LAMA2: variants seen among roughly 807,000 people sequenced by gnomAD.
LAMA2 encodes the protein laminin subunit alpha 2.
A neutral mutation model predicts 364.8 loss-of-function variants in LAMA2; 269 were observed. That is an observed-to-expected ratio of 0.74 (90% CI 0.67 to 0.82). LAMA2 has a LOEUF of 0.82. Among genes scored for constraint, LAMA2 ranks in the 40% least tolerant of loss-of-function variants. LAMA2 has a pLI of 0.00. For synonymous variants in LAMA2, 1,379 were observed against 1,370.6 expected (o/e 1.01, Z -0.14); for missense variants, 3,807 against 3,873.2 (o/e 0.98, Z 0.45).
chr6:129,133,402 T>A (rs941630079), intron 4 of LAMA2, among the ~76,000 whole-genome samples: 1 of 151,956 alleles, frequency 6.6e-6, no homozygotes, highest in Admixed American at 6.6e-5. Context: ...CTAGGTAAAG[T>A]GATGGAAAGA....
chr6:129,048,553 C>CTTTCTTTCTTTCTTTCTT (rs71028142), intron 1 of LAMA2, among the ~76,000 whole-genome samples: 28 of 48,970 alleles, frequency 5.7e-4, no homozygotes, highest in African/African-American at 1.5e-3. Flanking sequence ...TTCTTTCTTT[C>CTTTCTTTCTTTCTTTCTT]TCTCTCTCTC....
chr6:129,245,772 CAAATAT>C (rs1177541340), intron 12 of LAMA2, among the ~76,000 whole-genome samples: 1 of 152,010 alleles, frequency 6.6e-6, no homozygotes, highest in Non-Finnish European at 1.5e-5. Context: ...TCTTACTAGT[CAAATAT>C]CAGCTAAACA....
At chr6:129,475,422 T>C in intron 53 of LAMA2, 21 bp downstream of exon 53, 2 of 1,571,806 alleles carry the variant, frequency 1.3e-6, no homozygotes, top group Non-Finnish European at 1.7e-6. Flanking sequence ...AATTTATGCA[T>C]GCCTTCTTCG....
chr6:128,919,027 A>G (rs1368957136), intron 1 of LAMA2, among the ~76,000 whole-genome samples: 3 of 152,112 alleles, frequency 2.0e-5, no homozygotes, highest in African/African-American at 7.2e-5. Flanking sequence ...CCCCACAGTA[A>G]CCTCAAAATT....
intron 1 of LAMA2, among the ~76,000 whole-genome samples, chr6:128,985,993 AT>A (rs1275672179): frequency 6.6e-6 from 1 of 152,190 alleles, no homozygotes; most frequent in African/African-American, 2.4e-5. Flanking sequence ...AGCAGATCAA[AT>A]ACTTGATTCT....
Position 129,191,332 on chromosome 6 carries a change from T to G in LAMA2, c.1608+987T>G, listed in dbSNP as rs138904560. On this transcript the variant is annotated intron_variant, in intron 11 of 64. Transcript: ENST00000421865. The stretch of plus-strand genomic sequence containing the variant: ...AATATTTTCTCTGCCTGCAGTGCTT[T>G]TAAGTCAAGCCTCATATTATGAAAT... Among the ~76,000 whole-genome samples the G allele has an allele frequency of 4.9e-3, 745 of 152,358 alleles. 7 individuals carry two copies. The highest frequency in any genetic ancestry group is 0.017 in the African/African-American group (715 of 41,586).
At chr6:129,479,193 A>C (rs1392334961) in intron 54 of LAMA2, among the ~76,000 whole-genome samples, 1 of 151,950 alleles carries the variant, frequency 6.6e-6, no homozygotes, top group African/African-American at 2.4e-5. Flanking sequence ...TTTTTTCTGG[A>C]ACCATTGAAG....
At chr6:129,091,984 A>G (rs1180821951) in intron 3 of LAMA2, among the ~76,000 whole-genome samples, 1 of 152,164 alleles carries the variant, frequency 6.6e-6, no homozygotes, top group Non-Finnish European at 1.5e-5. Context: ...GCCAGGTTCT[A>G]TGTGGCTTAG....
intron 4 of LAMA2, among the ~76,000 whole-genome samples, chr6:129,131,439 C>T (rs1321371903): frequency 1.3e-5 from 2 of 152,216 alleles, no homozygotes; most frequent in African/African-American, 4.8e-5. Context: ...TCAACACAAG[C>T]TGTATCTGAG....
Position 129,465,227 on chromosome 6 carries a change from G to A in LAMA2, c.7238G>A (p.Ser2413Asn). Residue 2413 changes from serine (S) to asparagine (N), a missense_variant, in exon 51 of 65, where the codon AGC (serine) becomes AAC (asparagine). Around this residue, in one of 3 missense-constraint regions of LAMA2, gnomAD observed 3,333 missense variants for 3,345.7 expected, o/e 1.00. Transcript: ENST00000421865. ...DLGSGMASVV[S>N]NQNHNDGKWK... The stretch of plus-strand genomic sequence containing the variant: ...GGCTCAGGAATGGCTTCCGTTGTCA[G>A]CAATCAAAACCATAATGATGGGAAA... 2 of 1,611,484 alleles carry A rather than the reference G, an allele frequency of 1.2e-6. No individual in the cohort carries two copies. The highest frequency in any genetic ancestry group is 8.5e-7 in the Non-Finnish European group (1 of 1,178,234).
chr6:128,980,477 A>C (rs1480084573), intron 1 of LAMA2, among the ~76,000 whole-genome samples: 1 of 152,168 alleles, frequency 6.6e-6, no homozygotes, highest in Non-Finnish European at 1.5e-5. Flanking sequence ...TTTGGAATTT[A>C]ATTTTCTGTG....
At position 129,505,211 on chromosome 6, in the gene LAMA2, G is replaced by A. The variant is rs1417530041; in HGVS notation, c.8559G>A (p.Met2853Ile). ...TTTCTTTTTTGTAGATTAAGATAAT[G>A]AGAAGTAAGCAAGAAGGAATTCTTT... The part of the protein sequence containing the change: ...NDGQWHKIKI[M>I]RSKQEGILYV... Residue 2853 changes from methionine (M) to isoleucine (I), a missense_variant, in exon 61 of 65, where the codon ATG becomes ATA. Coordinates refer to ENST00000421865, the MANE Select transcript of LAMA2 (RefSeq NM_000426.4). 4.3e-6 allele frequency: 7 copies of A among 1,613,740 alleles called. No individual in the cohort carries two copies. Among genetic ancestry groups the A allele is most frequent in the East Asian group, 2.2e-5 (1 of 44,838 alleles).
intron 45 of LAMA2, among the ~76,000 whole-genome samples, chr6:129,448,543 C>A (rs1297366205): frequency 1.3e-5 from 2 of 152,044 alleles, no homozygotes; most frequent in Non-Finnish European, 2.9e-5. Flanking sequence ...CTTGACATGA[C>A]CAAAACATTA....
intron 17 of LAMA2, among the ~76,000 whole-genome samples, chr6:129,276,988 A>G (rs1788375401): frequency 6.6e-6 from 1 of 152,168 alleles, no homozygotes; most frequent in African/African-American, 2.4e-5. Flanking sequence ...GCTTATAAGT[A>G]GATTATAAAA....
intron 51 of LAMA2, among the ~76,000 whole-genome samples, chr6:129,467,592 A>G (rs1783610617): frequency 6.6e-6 from 1 of 151,966 alleles, no homozygotes; most frequent in South Asian, 2.1e-4. Flanking sequence ...AGATAGTAAT[A>G]TGCTTGGTAG....
At chr6:129,262,466 A>T (rs942220845) in intron 15 of LAMA2, among the ~76,000 whole-genome samples, 1 of 152,126 alleles carries the variant, frequency 6.6e-6, no homozygotes, top group Non-Finnish European at 1.5e-5. Flanking sequence ...ATGGTAACAG[A>T]TAGATAGAAG....
At position 128,887,274 on chromosome 6, in the gene LAMA2, A is replaced by AT. The variant is rs145155803; in HGVS notation, c.112+3924dup. On this transcript the variant is annotated intron_variant, in intron 1 of 64. Coordinates refer to ENST00000421865, the MANE Select transcript of LAMA2 (RefSeq NM_000426.4). ...CATAGTGGCCATAAACCTGGAATTA[A>AT]TTTTTTTAAATATTTTTCTTTGCTG... Among the ~76,000 whole-genome samples, 1,205 of 152,128 alleles carry AT rather than the reference A, an allele frequency of 7.9e-3. 15 individuals are homozygous for AT. Among genetic ancestry groups the AT allele is most frequent in the African/African-American group, 0.028 (1,163 of 41,500 alleles).
chr6:129,252,441 G>T (rs948891633), intron 14 of LAMA2, 146 bp downstream of exon 14: 1 of 666,200 alleles, frequency 1.5e-6, no homozygotes, highest in Non-Finnish European at 2.7e-6. Context: ...TTTTCTGAAA[G>T]ATTTTTCTCT....
At chr6:129,173,621 T>C (rs1201288020) in intron 9 of LAMA2, among the ~76,000 whole-genome samples, 1 of 152,190 alleles carries the variant, frequency 6.6e-6, no homozygotes, top group Non-Finnish European at 1.5e-5. Flanking sequence ...TAATCAAGAT[T>C]GTAATACTGT....
Sources: allele counts gnomAD v4.1 joint callset (sites outside exome capture counted in the v4.1 genomes callset), GRCh38; gene constraint gnomAD v4.1.1; regional missense constraint gnomAD v4.1.1; transcripts MANE v1.5; gene names NCBI Gene and HGNC (gene_info 2026-07-23, HGNC 2026-07-21).